The following COLQ variants were observed in gnomAD, a reference collection of about 807,000 sequenced individuals.
The protein encoded by COLQ is acetylcholinesterase collagenic tail peptide.
Under a neutral mutation model 69.0 loss-of-function variants are expected in COLQ, and 48 were observed. That is an observed-to-expected ratio of 0.70 (90% CI 0.55 to 0.88). The LOEUF is 0.88. Ranked by LOEUF, COLQ falls within the 40% of genes least tolerant of loss-of-function variation. The pLI is 0.00. For synonymous variants in COLQ, 217 were observed against 211.2 expected (o/e 1.03, Z -0.24); for missense variants, 618 against 594.6 (o/e 1.04, Z -0.41).
intron 3 of COLQ, among the ~76,000 whole-genome samples, chr3:15,481,609 TA>T (rs1230159809): frequency 1.3e-5 from 2 of 152,240 alleles, no homozygotes; most frequent in Non-Finnish European, 2.9e-5. Flanking sequence ...CTGTCTTGGT[TA>T]CTGTAGCCTT....
At chr3:15,501,595 T>C (rs1332474400) in intron 1 of COLQ, among the ~76,000 whole-genome samples, 1 of 152,252 alleles carries the variant, frequency 6.6e-6, no homozygotes, top group Non-Finnish European at 1.5e-5. Flanking sequence ...ACAACCATTC[T>C]TTCCTCGGCC....
intron 12 of COLQ, among the ~76,000 whole-genome samples, chr3:15,466,102 G>T (rs2062195636): frequency 6.6e-6 from 1 of 152,212 alleles, no homozygotes; most frequent in Non-Finnish European, 1.5e-5. Flanking sequence ...TCATTAATGT[G>T]CTTTTTTTCT....
intron 2 of COLQ, among the ~76,000 whole-genome samples, chr3:15,488,921 T>C (rs2062620406): frequency 6.6e-6 from 1 of 152,236 alleles, no homozygotes; most frequent in Non-Finnish European, 1.5e-5. Flanking sequence ...TAGTGGCTCC[T>C]GAATTGGACA....
At chr3:15,510,290 G>C (rs1350246249) in intron 1 of COLQ, among the ~76,000 whole-genome samples, 2 of 152,154 alleles carry the variant, frequency 1.3e-5, no homozygotes, top group Admixed American at 1.3e-4. Context: ...CAGTAATTGA[G>C]AGCAAACTGT....
rs1319522430 is a variant in COLQ at position 15,481,680 on chromosome 3, T to C, written c.322-2298A>G. 3.3e-5 allele frequency among the ~76,000 whole-genome samples: 5 copies of C among 152,220 alleles called. 1 individual carries two copies. Among genetic ancestry groups the C allele is most frequent in the South Asian group, 4.1e-4 (2 of 4,834 alleles). ...CCAGCTTTCTTCTTTTGGCTTAAGATTGTCTTGGCAATGTGGTCTCTTTTT... is the reference window on the plus strand; with the variant it reads ...CCAGCTTTCTTCTTTTGGCTTAAGACTGTCTTGGCAATGTGGTCTCTTTTT... On this transcript the variant is annotated intron_variant, in intron 3 of 16. Transcript: ENST00000383788.
At chr3:15,454,133 G>C (rs909917035) in intron 15 of COLQ, among the ~76,000 whole-genome samples, 1 of 152,174 alleles carries the variant, frequency 6.6e-6, no homozygotes, top group Non-Finnish European at 1.5e-5. Context: ...CAAGAAGAAG[G>C]AGATCCTGGC....
chr3:15,474,519 C>G (rs2062344775), intron 8 of COLQ, among the ~76,000 whole-genome samples: 1 of 152,214 alleles, frequency 6.6e-6, no homozygotes, highest in African/African-American at 2.4e-5. Context: ...CCTCTCTCAT[C>G]CTGTAGGAAA....
intron 1 of COLQ, among the ~76,000 whole-genome samples, chr3:15,504,875 A>C (rs2062885273): frequency 6.6e-6 from 1 of 152,146 alleles, no homozygotes; most frequent in South Asian, 2.1e-4. Flanking sequence ...ACAAAACCAA[A>C]ACCAAAACCA....
rs73816218 is a variant in COLQ at position 15,488,494 on chromosome 3, C to T, written c.220-187G>A. Among the ~76,000 whole-genome samples the T allele has an allele frequency of 0.028, 4,319 of 152,158 alleles. 187 individuals carry two copies. The highest frequency in any genetic ancestry group is 0.097 in the African/African-American group (4,027 of 41,488). ...TCTGTTCTCTCATCTGCTCTTGAGA[C>T]GAACCTGGCTTGTATGGATTACAGA... is the stretch of plus-strand genomic sequence containing the variant. On this transcript the variant is annotated intron_variant, in intron 2 of 16. Transcript: ENST00000383788.
chr3:15,452,520 G>A (rs2061961820), intron 16 of COLQ, among the ~76,000 whole-genome samples: 2 of 152,184 alleles, frequency 1.3e-5, no homozygotes. Context: ...CACAGTCACA[G>A]GCGTCCCTCT....
chr3:15,456,997 A>G (rs1157005160), intron 13 of COLQ, among the ~76,000 whole-genome samples: 2 of 151,826 alleles, frequency 1.3e-5, no homozygotes, highest in Non-Finnish European at 2.9e-5. Context: ...TAACTTTTGT[A>G]TTTTTAGTAG....
At chr3:15,457,922 T>C (rs2062048199) in intron 13 of COLQ, among the ~76,000 whole-genome samples, 1 of 152,176 alleles carries the variant, frequency 6.6e-6, no homozygotes, top group Non-Finnish European at 1.5e-5. Context: ...CGGCCAAAAG[T>C]ACATTTTTAT....
In COLQ at chr3:15,488,840, T is replaced by C. The variant is rs74921184; in HGVS notation, c.220-533A>G. Among the ~76,000 whole-genome samples the C allele has an allele frequency of 1.4e-4, 21 of 152,346 alleles. 1 individual carries two copies. Among genetic ancestry groups the C allele is most frequent in the Admixed American group, 9.8e-4 (15 of 15,308 alleles). On this transcript the variant is annotated intron_variant, in intron 2 of 16. Transcript: ENST00000383788. The stretch of plus-strand genomic sequence containing the variant: ...ATACTACTTCTTTCGAAATCCAGTA[T>C]GTATTTTACACTTACAGCACACCTC...
At chr3:15,471,961 C>G (rs980567648) in intron 10 of COLQ, among the ~76,000 whole-genome samples, 3 of 149,568 alleles carry the variant, frequency 2.0e-5, no homozygotes, top group Admixed American at 6.7e-5. Context: ...AACAGCAGCA[C>G]AAGCAGCATT....
intron 12 of COLQ, among the ~76,000 whole-genome samples, chr3:15,461,134 C>G (rs1184757327): frequency 6.6e-6 from 1 of 152,102 alleles, no homozygotes; most frequent in Non-Finnish European, 1.5e-5. Flanking sequence ...AAGGACTCAG[C>G]CAAATTTGTA....
intron 15 of COLQ, among the ~76,000 whole-genome samples, chr3:15,454,760 A>C (rs1393054380): frequency 1.3e-5 from 2 of 149,576 alleles, no homozygotes; most frequent in Non-Finnish European, 3.0e-5. Context: ...GGCTCAAATC[A>C]TCCTCCCACC....
At chr3:15,484,855 G>C (rs919487122) in intron 3 of COLQ, among the ~76,000 whole-genome samples, 28 of 151,608 alleles carry the variant, frequency 1.8e-4, no homozygotes, top group Non-Finnish European at 2.5e-4. Flanking sequence ...TTAGCTCGGA[G>C]AAGTTTGTTA....
At position 15,474,947 on chromosome 3, in the gene COLQ, T is replaced by G. The variant is rs751714432; in HGVS notation, c.533A>C (p.Tyr178Ser). 2.5e-6 allele frequency: 4 copies of G among 1,614,014 alleles called. No individual in the cohort carries two copies. The South Asian group carries it at 3.3e-5, about 13-fold the overall frequency. The change falls in exon 8 of 17, where the codon TAC (tyrosine) becomes TCC (serine). Residue 178 changes from tyrosine to serine, a missense_variant. Transcript: ENST00000383788. ...GSRGPMGSKG[Y>S]PGSRGEKGSR... ...AACCTTTTCCCCTCTGGATCCAGGGTAGCCCTAAAAGAAAGCAGAAGGTAC... is the reference window on the plus strand; with the variant it reads ...AACCTTTTCCCCTCTGGATCCAGGGGAGCCCTAAAAGAAAGCAGAAGGTAC...
At chr3:15,456,859 G>T (rs1559512240) in intron 13 of COLQ, among the ~76,000 whole-genome samples, 1 of 151,938 alleles carries the variant, frequency 6.6e-6, no homozygotes, top group Non-Finnish European at 1.5e-5. Flanking sequence ...GTCTCACGCG[G>T]TTGCCCAGGC....
Sources: allele counts gnomAD v4.1 joint callset (sites outside exome capture counted in the v4.1 genomes callset), GRCh38; gene constraint gnomAD v4.1.1; transcripts MANE v1.5; gene names NCBI Gene and HGNC (gene_info 2026-07-23, HGNC 2026-07-21).